Variants in SLC5A6 observed in about 807,000 individuals in gnomAD.
SLC5A6 encodes the protein sodium-dependent multivitamin transporter.
Under a neutral mutation model 67.9 loss-of-function variants are expected in SLC5A6, and 31 were observed. That is an observed-to-expected ratio of 0.46 (90% confidence interval 0.34 to 0.62). The LOEUF is 0.62. SLC5A6 is among the 20% of genes least tolerant of loss of function. SLC5A6 has a pLI of 0.01. For missense variants in SLC5A6, 673 were observed against 812.8 expected, an observed-to-expected ratio of 0.83 and a Z score of 2.09; for synonymous variants, 343 against 331.0, an observed-to-expected ratio of 1.04 and a Z score of -0.39.
rs1251691092 is a variant in SLC5A6, at chr2:27,207,025, T to C, written c.394-83A>G. On this transcript the variant is annotated intron_variant, in intron 3 of 16. Coordinates refer to ENST00000310574, the MANE Select transcript of SLC5A6 (RefSeq NM_021095.4). This position sits in a 1 kb window ranked among gnomAD's most constrained non-coding sequence, Gnocchi z 5.5. Reference sequence around the variant, plus strand: ...AATTCCCTCAAGATGCTCAGGAACATGAGGGAATATCCAACCCATACCCAC... The same window carrying C: ...AATTCCCTCAAGATGCTCAGGAACACGAGGGAATATCCAACCCATACCCAC... The C allele has an allele frequency of 7.9e-7, 1 of 1,262,070 alleles. No homozygotes were observed. The highest frequency in any genetic ancestry group is 1.2e-6 in the Non-Finnish European group (1 of 859,696). The allele number at this position is 1,262,070 out of a possible 1,614,324, so 78.2% of individuals were successfully genotyped here. A position where few individuals can be genotyped will look rare whatever the true frequency, so the allele number is the denominator to read the frequency against.
chr2:27,207,110 C>T lies in SLC5A6; in HGVS notation c.393+148G>A. On this transcript the variant is annotated intron_variant, in intron 3 of 16. Coordinates refer to ENST00000310574, the MANE Select transcript of SLC5A6 (RefSeq NM_021095.4). The surrounding 1 kb of genome is among the most constrained non-coding windows in gnomAD (Gnocchi z 5.5). ...AATCCTGCCCCTATACCTAACATCA[C>T]TGAGAAAGAATTATAAACACACAAT... 1 of 1,075,056 alleles carries T rather than the reference C, an allele frequency of 9.3e-7. No homozygotes were observed. Among genetic ancestry groups the T allele is most frequent in the Non-Finnish European group, 1.4e-6 (1 of 718,700 alleles). 66.6% of individuals were successfully genotyped at this position (1,075,056 alleles called of 1,614,324 possible). A position where few individuals can be genotyped will look rare whatever the true frequency, so the allele number is the denominator to read the frequency against.
intron 2 of SLC5A6, among the ~76,000 whole-genome samples, chr2:27,210,972 C>T (rs571779790): frequency 3.3e-5 from 5 of 152,224 alleles, no homozygotes; most frequent in South Asian, 2.1e-4. Flanking sequence ...TGCAGTGAGC[C>T]GAGATCGCGC....
chr2:27,210,389 C>T (rs1452955321), intron 2 of SLC5A6, among the ~76,000 whole-genome samples: 1 of 151,976 alleles, frequency 6.6e-6, no homozygotes, highest in Non-Finnish European at 1.5e-5. Flanking sequence ...TGTTTCACTA[C>T]AACTATAACA....
chr2:27,211,997 G>A (rs1028826625), intron 1 of SLC5A6, 23 bp downstream of exon 1: 1 of 400,534 alleles, frequency 2.5e-6, no homozygotes, highest in Non-Finnish European at 4.1e-6. Context: ...TGCCCGCCCC[G>A]CTCGCCGTGC....
chr2:27,207,699 G>A lies in SLC5A6; in HGVS notation c.-49C>T. 2 of 1,565,676 alleles carry A rather than the reference G, an allele frequency of 1.3e-6. No homozygotes were observed. The highest frequency in any genetic ancestry group is 8.7e-7 in the Non-Finnish European group (1 of 1,149,538). On this transcript the variant is annotated 5_prime_UTR_variant, in exon 3 of 17. Transcript: ENST00000310574. The surrounding 1 kb of genome is among the most constrained non-coding windows in gnomAD (Gnocchi z 5.5). The stretch of plus-strand genomic sequence containing the variant: ...CAGCCAGTTGCTGCTCCAGGGCTCT[G>A]GGGTAGGGCAGGGGCGGATGTGTGG...
intron 2 of SLC5A6, among the ~76,000 whole-genome samples, chr2:27,209,872 T>G: frequency 6.6e-6 from 1 of 152,176 alleles, no homozygotes. Context: ...GGATCACATG[T>G]TCTACAAGAT....
chr2:27,200,627 G>A, intron 16 of SLC5A6, 48 bp from the exon 17 acceptor site: 1 of 1,567,008 alleles, frequency 6.4e-7, no homozygotes, highest in Non-Finnish European at 8.7e-7. Flanking sequence ...ACGGATGACG[G>A]GTGCTTGACA....
chr2:27,212,323 C>T (rs1215992798), upstream of SLC5A6: 1 of 1,549,314 alleles, frequency 6.5e-7, no homozygotes, highest in South Asian at 1.2e-5. Flanking sequence ...GGGGCGGGGC[C>T]GCGGGGCCGG....
chr2:27,205,397 C>T lies in SLC5A6; in HGVS notation c.687G>A (p.Gly229=). Residue 229 remains glycine, a synonymous_variant, in exon 7 of 17, where the codon GGG becomes GGA. Coordinates refer to ENST00000310574, the MANE Select transcript of SLC5A6 (RefSeq NM_021095.4). Reference sequence around the variant, plus strand: ...GCTGGGAAGCCACGGCCCACACACGCCCCAAGCCGCCCACCTTGGCTGACC... The same window carrying T: ...GCTGGGAAGCCACGGCCCACACACGTCCCAAGCCGCCCACCTTGGCTGACC... ...IVGSAKVGGL[G]RVWAVASQHG... The T allele has an allele frequency of 6.2e-7, 1 of 1,614,188 alleles. No individual in the cohort carries two copies. The highest frequency in any genetic ancestry group is 8.5e-7 in the Non-Finnish European group (1 of 1,180,024).
rs775098924 is a variant in SLC5A6 at position 27,212,268 on chromosome 2, C to A, written c.-456G>T. The A allele has an allele frequency of 6.4e-7, 1 of 1,556,580 alleles. No homozygotes were observed. Among genetic ancestry groups the A allele is most frequent in the Non-Finnish European group, 8.7e-7 (1 of 1,150,530 alleles). On this transcript the variant is annotated 5_prime_UTR_variant, in exon 1 of 17. Coordinates refer to ENST00000310574, the MANE Select transcript of SLC5A6 (RefSeq NM_021095.4). ...CCAAGCAGCCCCAGGGCGACTGGAC[C>A]GGGCCGCTTAGGCCACGCCCGGGGA... is the stretch of plus-strand genomic sequence containing the variant.
rs1673625791 is a variant in SLC5A6, at chr2:27,201,424, A to C, written c.1574T>G (p.Leu525Trp). The C allele has an allele frequency of 6.2e-7, 1 of 1,613,260 alleles. No homozygotes were observed. Among genetic ancestry groups the C allele is most frequent in the South Asian group, 1.1e-5 (1 of 91,062 alleles). Residue 525 changes from leucine to tryptophan, a missense_variant, in exon 15 of 17, where the codon TTG becomes TGG. By Grantham distance (61) the Leu-to-Trp change is moderately conservative. Coordinates refer to ENST00000310574, the MANE Select transcript of SLC5A6 (RefSeq NM_021095.4). The stretch of plus-strand genomic sequence containing the variant: ...GTGAGCACTGTACCATAAGTAAGAC[A>C]AGGAATAGAACCGCTGCAGCCCTGT... Reference protein sequence around the residue: ...KPTGLQRFYSLSYLWYSAHNS... With the variant: ...KPTGLQRFYSWSYLWYSAHNS...
chr2:27,207,566 A>G lies in SLC5A6; in HGVS notation c.85T>C (p.Tyr29His). The change falls in exon 3 of 17, where the codon TAT becomes CAT. Residue 29 changes from tyrosine to histidine, a missense_variant. Transcript: ENST00000310574. This position sits in a 1 kb window ranked among gnomAD's most constrained non-coding sequence, Gnocchi z 5.5. ...VGMSTFSIMD[Y>H]VVFVLLLVLS... ...ACCAGCAGCAGGACGAACACCACAT[A>G]GTCCATGATGGAGAAGGTAGACATG... 1 of 1,614,278 alleles carries G rather than the reference A, an allele frequency of 6.2e-7. No individual in the cohort carries two copies. Among genetic ancestry groups the G allele is most frequent in the Non-Finnish European group, 8.5e-7 (1 of 1,180,046 alleles).
At chr2:27,202,481 G>A (rs577984084) in intron 12 of SLC5A6, among the ~76,000 whole-genome samples, 5 of 103,988 alleles carry the variant, frequency 4.8e-5, no homozygotes, top group Admixed American at 1.6e-4. Flanking sequence ...TCCAGCCTGA[G>A]CAACAGAATG....
intron 9 of SLC5A6, 58 bp downstream of exon 9, chr2:27,204,403 G>A: frequency 6.5e-7 from 1 of 1,545,816 alleles, no homozygotes; most frequent in Non-Finnish European, 8.8e-7. Context: ...TTCCTACCTA[G>A]ACACTCCTGT....
In SLC5A6 at chr2:27,212,258, G is replaced by C. The variant is rs2148038445; in HGVS notation, c.-446C>G. 6.4e-7 allele frequency: 1 copy of C among 1,559,442 alleles called. No homozygotes were observed. The highest frequency in any genetic ancestry group is 2.4e-5 in the East Asian group (1 of 42,516). On this transcript the variant is annotated 5_prime_UTR_variant, in exon 1 of 17. Transcript: ENST00000310574. ...GGAAAAGCCCCCAAGCAGCCCCAGG[G>C]CGACTGGACCGGGCCGCTTAGGCCA... is the stretch of plus-strand genomic sequence containing the variant.
rs1244820542 is a variant in SLC5A6 at position 27,202,826 on chromosome 2, C to G, written c.1262G>C (p.Gly421Ala). The change falls in exon 12 of 17, where the codon GGA becomes GCA. Residue 421 changes from glycine to alanine, a missense_variant. By Grantham distance (60) the Gly-to-Ala change is moderately conservative. Coordinates refer to ENST00000310574, the MANE Select transcript of SLC5A6 (RefSeq NM_021095.4). ...LGMAYISSQM[G>A]PVLQAAISIF... is the part of the protein sequence containing the mutation. ...TATAGTTATTACCTGCAGCACAGGT[C>G]CCATCTGGGAGGAAATATAGGCCAT... The G allele has an allele frequency of 1.2e-6, 2 of 1,613,860 alleles. No individual in the cohort carries two copies. The highest frequency in any genetic ancestry group is 1.7e-6 in the Non-Finnish European group (2 of 1,179,816).
In SLC5A6 at chr2:27,210,615, T is replaced by G. The variant is rs866765425; in HGVS notation, c.-141+852A>C. 5.6e-3 allele frequency among the ~76,000 whole-genome samples: 840 copies of G among 150,470 alleles called. 2 individuals are homozygous for G. The highest frequency in any genetic ancestry group is 0.019 in the African/African-American group (792 of 40,970). On this transcript the variant is annotated intron_variant, in intron 2 of 16. Coordinates refer to ENST00000310574, the MANE Select transcript of SLC5A6 (RefSeq NM_021095.4). ...CCAGCTAATTTTTTTTTTTTTTTTT[T>G]GTATTTTTAGTAGAGACGAGATTTC...
Position 27,201,418 on chromosome 2 carries a change from T to A in SLC5A6, c.1580A>T (p.Tyr527Phe). 6.2e-7 allele frequency: 1 copy of A among 1,613,354 alleles called. No individual in the cohort carries two copies. The highest frequency in any genetic ancestry group is 8.5e-7 in the Non-Finnish European group (1 of 1,179,456). Residue 527 changes from tyrosine to phenylalanine, a missense_variant, in exon 15 of 17, where the codon TAC becomes TTC. By Grantham distance (22) the Tyr-to-Phe change is conservative. Coordinates refer to ENST00000310574, the MANE Select transcript of SLC5A6 (RefSeq NM_021095.4). ...TGLQRFYSLS[Y>F]LWYSAHNSTT... ...GGAGTTGTGAGCACTGTACCATAAGTAAGACAAGGAATAGAACCGCTGCAG... is the reference window on the plus strand; with the variant it reads ...GGAGTTGTGAGCACTGTACCATAAGAAAGACAAGGAATAGAACCGCTGCAG...
intron 4 of SLC5A6, 39 bp from the exon 5 acceptor site, chr2:27,206,573 T>C (rs1674083800): frequency 6.3e-7 from 1 of 1,592,808 alleles, no homozygotes; most frequent in African/African-American, 1.3e-5. Flanking sequence ...GGCCGGAGAA[T>C]GGTGGGAAGA....
Sources: gnomAD v4.1 joint callset for allele counts (sites outside exome capture counted in the v4.1 genomes callset) on GRCh38, gnomAD v4.1.1 for gene constraint, Gnocchi (gnomAD v3.1) non-coding constraint, MANE v1.5 for transcripts, NCBI Gene and HGNC (gene_info 2026-07-23, HGNC 2026-07-21) for gene names.